IGF2BP3: variants seen among roughly 807,000 people sequenced by gnomAD.
The protein encoded by IGF2BP3 is insulin-like growth factor 2 mRNA-binding protein 3.
A neutral mutation model predicts 73.8 loss-of-function variants in IGF2BP3; 9 were observed. The observed-to-expected ratio is 0.12, with a 90% CI of 0.07 to 0.21. IGF2BP3 has a LOEUF of 0.21. Ranked by LOEUF, IGF2BP3 falls within the 10% of genes least tolerant of loss-of-function variation. The pLI, the probability that IGF2BP3 is intolerant of heterozygous loss-of-function variation, is 1.00. For synonymous variants in IGF2BP3, 258 were observed against 256.7 expected, an observed-to-expected ratio of 1.01 and a Z score of -0.05; for missense variants, 542 against 714.0, an observed-to-expected ratio of 0.76 and a Z score of 2.75.
chr7:23,375,057 CA>C (rs1785676690), intron 3 of IGF2BP3, among the ~76,000 whole-genome samples: 1 of 152,108 alleles, frequency 6.6e-6, no homozygotes. Context: ...ACCCAAAGAG[CA>C]ATATTTGTTG....
intron 2 of IGF2BP3, among the ~76,000 whole-genome samples, chr7:23,428,183 C>CA: frequency 6.6e-6 from 1 of 150,966 alleles, no homozygotes; most frequent in South Asian, 2.1e-4. Context: ...TCTCAAAAAA[C>CA]AAAAAAAGCC....
chr7:23,449,567 T>G (rs1273041911), intron 2 of IGF2BP3, among the ~76,000 whole-genome samples: 2 of 143,728 alleles, frequency 1.4e-5, no homozygotes, highest in Admixed American at 6.9e-5. Flanking sequence ...TTTTTTTTTT[T>G]TTTTTTTTTG....
chr7:23,388,515 A>T (rs1786160790), intron 3 of IGF2BP3, among the ~76,000 whole-genome samples: 1 of 152,180 alleles, frequency 6.6e-6, no homozygotes, highest in Non-Finnish European at 1.5e-5. Flanking sequence ...TACGGGAGAA[A>T]AGGCTTCTAT....
intron 2 of IGF2BP3, among the ~76,000 whole-genome samples, chr7:23,467,329 C>T (rs1788587254): frequency 6.6e-6 from 1 of 152,204 alleles, no homozygotes; most frequent in Non-Finnish European, 1.5e-5. Context: ...AAATGCATAG[C>T]AAACCCTCCT....
Position 23,435,218 on chromosome 7 carries a change from G to A in IGF2BP3, c.237-16394C>T, listed in dbSNP as rs910233797. Reference sequence around the variant, plus strand: ...TGAGGCAGGAGAATCGCTTGAACCCGGGAGGCGGAGGTTGCAGTGAACAAA... The same window carrying A: ...TGAGGCAGGAGAATCGCTTGAACCCAGGAGGCGGAGGTTGCAGTGAACAAA... On this transcript the variant is annotated intron_variant, in intron 2 of 14. Coordinates refer to ENST00000258729, the MANE Select transcript of IGF2BP3 (RefSeq NM_006547.3). 9.8e-5 allele frequency among the ~76,000 whole-genome samples: 14 copies of A among 143,426 alleles called. No individual in the cohort carries two copies. In the Middle Eastern group the frequency reaches 0.016, roughly 167 times the overall value. The allele number at this position is 143,426 out of a possible 152,430, so 94.1% of individuals were successfully genotyped here. A position where few individuals can be genotyped will look rare whatever the true frequency, so the allele number is the denominator to read the frequency against.
intron 2 of IGF2BP3, among the ~76,000 whole-genome samples, chr7:23,430,557 G>C (rs1305395745): frequency 6.6e-6 from 1 of 152,180 alleles, no homozygotes; most frequent in African/African-American, 2.4e-5. Context: ...TGTCCAAAGA[G>C]GACTTCATTC....
chr7:23,428,373 G>T (rs1422551574), intron 2 of IGF2BP3, among the ~76,000 whole-genome samples: 1 of 151,876 alleles, frequency 6.6e-6, no homozygotes, highest in South Asian at 2.1e-4. Context: ...TCAGGAGGCT[G>T]AGGCAGGAGA....
intron 2 of IGF2BP3, among the ~76,000 whole-genome samples, chr7:23,444,742 C>CCA (rs1788019072): frequency 1.2e-5 from 1 of 82,888 alleles, no homozygotes. Flanking sequence ...GACTCTGTCT[C>CCA]AAAAAAAAAA....
At chr7:23,324,163 T>C (rs1425768765) in intron 10 of IGF2BP3, among the ~76,000 whole-genome samples, 1 of 151,894 alleles carries the variant, frequency 6.6e-6, no homozygotes, top group Non-Finnish European at 1.5e-5. Context: ...ACAAAATTGA[T>C]AGACTGCTAG....
chr7:23,382,319 T>C (rs1188217781), intron 3 of IGF2BP3, among the ~76,000 whole-genome samples: 4 of 152,080 alleles, frequency 2.6e-5, no homozygotes, highest in South Asian at 2.1e-4. Context: ...ACAAAACAGG[T>C]TGGCAGGATA....
intron 2 of IGF2BP3, among the ~76,000 whole-genome samples, chr7:23,458,992 T>C (rs1427167471): frequency 1.3e-5 from 2 of 152,200 alleles, no homozygotes; most frequent in Non-Finnish European, 2.9e-5. Flanking sequence ...CCCATGATTA[T>C]CTGGAGGGCC....
chr7:23,387,104 G>A (rs1457442946), intron 3 of IGF2BP3, among the ~76,000 whole-genome samples: 1 of 151,354 alleles, frequency 6.6e-6, no homozygotes, highest in Non-Finnish European at 1.5e-5. Flanking sequence ...AAGGAAGGAA[G>A]GAAGGTAGGT....
intron 3 of IGF2BP3, among the ~76,000 whole-genome samples, chr7:23,406,594 A>C (rs189713315): frequency 1.5e-3 from 223 of 152,272 alleles, no homozygotes; most frequent in African/African-American, 5.1e-3. Flanking sequence ...GTGTGGACCC[A>C]AAGAGTGAGC....
At chr7:23,465,970 C>G (rs1788557170) in intron 2 of IGF2BP3, among the ~76,000 whole-genome samples, 1 of 151,924 alleles carries the variant, frequency 6.6e-6, no homozygotes, top group African/African-American at 2.4e-5. Context: ...CATCACAGCT[C>G]CAAGGGTCAG....
chr7:23,402,332 C>T (rs1480714679), intron 3 of IGF2BP3: 1 of 152,140 alleles, frequency 6.6e-6, no homozygotes, highest in Non-Finnish European at 1.5e-5. Flanking sequence ...GTATATAAAG[C>T]TAAGAAGAAA....
rs1785625827 is a variant in IGF2BP3 at position 23,373,621 on chromosome 7, T to C, written c.286-11880A>G. Among the ~76,000 whole-genome samples the C allele has an allele frequency of 3.3e-5, 5 of 152,188 alleles. No individual in the cohort carries two copies. The South Asian group carries it at 1.0e-3, about 31-fold the overall frequency. On this transcript the variant is annotated intron_variant, in intron 3 of 14. Coordinates refer to ENST00000258729, the MANE Select transcript of IGF2BP3 (RefSeq NM_006547.3). Reference sequence around the variant, plus strand: ...TTGCTGGATAAAATGGTGCAGCTGCTATGAAAAACAGTACAGCAGTTCCTC... The same window carrying C: ...TTGCTGGATAAAATGGTGCAGCTGCCATGAAAAACAGTACAGCAGTTCCTC...
chr7:23,343,554 G>C (rs542651662), intron 9 of IGF2BP3, among the ~76,000 whole-genome samples, 164 bp downstream of exon 9: 3 of 152,284 alleles, frequency 2.0e-5, no homozygotes. Context: ...TAATGTCAAA[G>C]CCAGTATCTT....
At chr7:23,390,087 T>C (rs571522526) in intron 3 of IGF2BP3, among the ~76,000 whole-genome samples, 4 of 152,216 alleles carry the variant, frequency 2.6e-5, no homozygotes, top group Non-Finnish European at 2.9e-5. Context: ...TTTTGAATTA[T>C]GTTAGCATGA....
At chr7:23,325,310 C>T (rs1158897248) in intron 10 of IGF2BP3, among the ~76,000 whole-genome samples, 4 of 152,126 alleles carry the variant, frequency 2.6e-5, no homozygotes, top group Admixed American at 6.6e-5. Flanking sequence ...CATGAGTGAA[C>T]TCCCATTCAC....
Sources: allele counts gnomAD v4.1 joint callset (sites outside exome capture counted in the v4.1 genomes callset), GRCh38; gene constraint gnomAD v4.1.1; transcripts MANE v1.5; gene names NCBI Gene and HGNC (gene_info 2026-07-23, HGNC 2026-07-21).